UPF3B: variants seen among roughly 807,000 people sequenced by gnomAD.
UPF3B encodes regulator of nonsense transcripts 3B.
A neutral mutation model predicts 40.3 loss-of-function variants in UPF3B; 7 were observed. The observed-to-expected ratio is 0.17, with a 90% CI of 0.10 to 0.33. The LOEUF (loss-of-function observed/expected upper bound fraction) is 0.33. Among genes scored for constraint, UPF3B ranks in the 10% least tolerant of loss-of-function variants. UPF3B has a pLI of 1.00. For synonymous variants in UPF3B, 117 were observed against 117.3 expected, an observed-to-expected ratio of 1.00 and a Z score of 0.01; for missense variants, 229 against 358.9, an observed-to-expected ratio of 0.64 and a Z score of 2.93.
chrX:119,851,708 A>G, intron 2 of UPF3B, 59 bp downstream of exon 2: 1 of 982,997 alleles, frequency 1.0e-6, no homozygotes, highest in Non-Finnish European at 1.4e-6. Flanking sequence ...AAACAGTAGG[A>G]TAAAAAGAAT....
chrX:119,836,214 G>A (rs1330400120), intron 10 of UPF3B, among the ~76,000 whole-genome samples: 2 of 110,397 alleles, frequency 1.8e-5, no homozygotes, highest in Admixed American at 1.9e-4. Flanking sequence ...AATTAGCCGG[G>A]CATGGTGGCT....
chrX:119,812,134 A>G (rs1037007308), intron 5 of UPF3B, among the ~76,000 whole-genome samples: 11 of 110,922 alleles, frequency 9.9e-5, no homozygotes, highest in Admixed American at 9.7e-5. Flanking sequence ...GGCATCTGCA[A>G]TCCAGCTACT....
intron 5 of UPF3B, among the ~76,000 whole-genome samples, chrX:119,810,891 T>G (rs985101549): frequency 9.0e-6 from 1 of 111,610 alleles, no homozygotes; most frequent in Non-Finnish European, 1.9e-5. Flanking sequence ...TGGGGATGGA[T>G]AAAATGGCTA....
At chrX:119,820,208 A>C (rs2055901647) in intron 4 of UPF3B, among the ~76,000 whole-genome samples, 1 of 111,390 alleles carries the variant, frequency 9.0e-6, no homozygotes, top group Admixed American at 9.6e-5. Flanking sequence ...CAGTGGTGAG[A>C]TCTAGGCTCA....
At chrX:119,837,190 C>T (rs759333859) in intron 10 of UPF3B, among the ~76,000 whole-genome samples, 1 of 108,639 alleles carries the variant, frequency 9.2e-6, no homozygotes, top group South Asian at 4.1e-4. Context: ...AGCAATCCAC[C>T]CACCTCAGCC....
At chrX:119,844,595 CACT>C (rs1433535260) in intron 4 of UPF3B, among the ~76,000 whole-genome samples, 1 of 109,846 alleles carries the variant, frequency 9.1e-6, no homozygotes, top group African/African-American at 3.3e-5. Flanking sequence ...GATTTTTTTC[CACT>C]ATTTTCTTTT....
chrX:119,815,318 A>G (rs1390399049), intron 4 of UPF3B: 7 of 742,848 alleles, frequency 9.4e-6, no homozygotes, highest in African/African-American at 4.6e-5. Flanking sequence ...CTGAAGTACA[A>G]TGAAATATGT....
At chrX:119,805,931 C>G (rs1386543173) in intron 6 of UPF3B, among the ~76,000 whole-genome samples, 4 of 72,233 alleles carry the variant, frequency 5.5e-5, no homozygotes, top group African/African-American at 2.1e-4. Context: ...GTGGCGATTC[C>G]TCAGGGATCT....
chrX:119,807,466 A>G (rs1426304126), intron 6 of UPF3B: 3 of 889,581 alleles, frequency 3.4e-6, no homozygotes, highest in South Asian at 3.1e-5. Flanking sequence ...TATGGTTAAT[A>G]TCACTTTCCT....
chrX:119,812,258 AAAAAG>A (rs1189981019), intron 5 of UPF3B, among the ~76,000 whole-genome samples: 26 of 106,643 alleles, frequency 2.4e-4, no homozygotes, highest in African/African-American at 9.0e-4. Context: ...GTCTTAAAAA[AAAAAG>A]AAAAAAATCC....
At chrX:119,827,031 A>C (rs1426750443) in intron 3 of UPF3B, among the ~76,000 whole-genome samples, 3 of 112,009 alleles carry the variant, frequency 2.7e-5, no homozygotes, top group African/African-American at 9.7e-5. Context: ...AATGCGCAGG[A>C]AAGTTTCACC....
At chrX:119,806,370 T>C (rs1315630358) in intron 6 of UPF3B, among the ~76,000 whole-genome samples, 1 of 88,975 alleles carries the variant, frequency 1.1e-5, no homozygotes, top group Non-Finnish European at 2.2e-5. Context: ...CATTGGGAGA[T>C]ATACCTAATG....
intron 5 of UPF3B, 27 bp downstream of exon 5, chrX:119,843,164 T>C: frequency 2.0e-6 from 2 of 1,001,081 alleles, no homozygotes; most frequent in African/African-American, 1.9e-5. Flanking sequence ...GAAAAGACTG[T>C]TGCCCTGATT....
At chrX:119,821,250 G>A (rs1415238457) in intron 4 of UPF3B, among the ~76,000 whole-genome samples, 1 of 112,032 alleles carries the variant, frequency 8.9e-6, no homozygotes, top group African/African-American at 3.2e-5. Context: ...CCCAGAAGCT[G>A]AGCAATGTCA....
chrX:119,827,452 G>A (rs1445397046), intron 3 of UPF3B, among the ~76,000 whole-genome samples: 4 of 49,429 alleles, frequency 8.1e-5, no homozygotes, highest in African/African-American at 5.3e-4. Flanking sequence ...ATATATTTTC[G>A]AGACGGACTC....
intron 4 of UPF3B, among the ~76,000 whole-genome samples, chrX:119,821,529 G>A (rs1051202705): frequency 8.9e-6 from 1 of 112,569 alleles, no homozygotes; most frequent in African/African-American, 3.2e-5. Flanking sequence ...TGGGCGTGGT[G>A]GCTCACGCCT....
At chrX:119,807,692 G>T in intron 5 of UPF3B, 1 of 342,241 alleles carries the variant, frequency 2.9e-6, no homozygotes, top group Non-Finnish European at 3.8e-6. Flanking sequence ...AGTAATTTAA[G>T]ACCAAAAATG....
chrX:119,807,387 C>T (rs1195518622), intron 6 of UPF3B: 2 of 871,186 alleles, frequency 2.3e-6, no homozygotes, highest in Non-Finnish European at 2.9e-6. Context: ...AACGTGTGCT[C>T]TTTGGCTGCC....
At chrX:119,847,401 C>T (rs781341174) in intron 3 of UPF3B, among the ~76,000 whole-genome samples, 4 of 109,324 alleles carry the variant, frequency 3.7e-5, no homozygotes, top group African/African-American at 1.0e-4. Flanking sequence ...GAGGGAAGAT[C>T]GCGCCATTGT....
Sources: gnomAD v4.1 joint callset for allele counts (sites outside exome capture counted in the v4.1 genomes callset) on GRCh38, gnomAD v4.1.1 for gene constraint, MANE v1.5 for transcripts, NCBI Gene and HGNC (gene_info 2026-07-23, HGNC 2026-07-21) for gene names.